Variants in DPPA2 observed in about 807,000 individuals in gnomAD.
DPPA2 encodes developmental pluripotency associated 2.
DPPA2 carries 26 observed loss-of-function variants against 36.2 expected under a neutral mutation model. That is an observed-to-expected ratio of 0.72 (90% CI 0.53 to 1.00). DPPA2 has a LOEUF of 1.00. Ranked by LOEUF, DPPA2 falls within the 50% of genes least tolerant of loss-of-function variation. DPPA2 has a pLI of 0.00. For synonymous variants in DPPA2, 113 were observed against 123.2 expected, an observed-to-expected ratio of 0.92 and a Z score of 0.55; for missense variants, 361 against 365.1, an observed-to-expected ratio of 0.99 and a Z score of 0.09.
intron 8 of DPPA2, among the ~76,000 whole-genome samples, chr3:109,296,092 A>C (rs563337734): frequency 6.6e-6 from 1 of 152,296 alleles, no homozygotes; most frequent in Admixed American, 6.5e-5. Context: ...TGAAAATACC[A>C]GAAGAGAGAA....
At chr3:109,301,306 C>T (rs1707453779) in intron 7 of DPPA2, among the ~76,000 whole-genome samples, 1 of 152,032 alleles carries the variant, frequency 6.6e-6, no homozygotes, top group African/African-American at 2.4e-5. Flanking sequence ...CTCCATTCCC[C>T]TCTCTTCATG....
Position 109,308,343 on chromosome 3 carries a change from G to A in DPPA2, c.397-50C>T, listed in dbSNP as rs746050713. The A allele has an allele frequency of 1.9e-6, 3 of 1,565,792 alleles. No homozygotes were observed. The South Asian group carries it at 3.6e-5, about 19-fold the overall frequency. On this transcript the variant is annotated intron_variant, in intron 5 of 8. Transcript: ENST00000478945. ...ATTCAGTAAACCGCTAGGGCTGTAA[G>A]GACTTTTGGGTCAATTTTATTATTC...
rs1707398287 is a variant in DPPA2 at position 109,298,618 on chromosome 3, A to G, written c.*22+1753T>C. On this transcript the variant is annotated intron_variant, in intron 8 of 8. Transcript: ENST00000478945. ...GTAATCCCAGCTACTCGGAAGGCTGAGGCAGGAGAATCGCTTGAACCTGGG... is the reference window on the plus strand; with the variant it reads ...GTAATCCCAGCTACTCGGAAGGCTGGGGCAGGAGAATCGCTTGAACCTGGG... 2.0e-5 allele frequency among the ~76,000 whole-genome samples: 3 copies of G among 151,628 alleles called. No homozygotes were observed. The South Asian group carries it at 6.3e-4, about 32-fold the overall frequency.
At chr3:109,307,989 C>T (rs1707609434) in intron 6 of DPPA2, 43 bp downstream of exon 6, 5 of 1,592,698 alleles carry the variant, frequency 3.1e-6, no homozygotes, top group East Asian at 4.5e-5. Context: ...AAAAGTTAAC[C>T]TTGTCCTCTG....
chr3:109,303,341 C>T lies in DPPA2; in HGVS notation c.854+1134G>A, dbSNP rs150576101. 1.4e-3 allele frequency among the ~76,000 whole-genome samples: 207 copies of T among 151,416 alleles called. 1 individual carries two copies. The highest frequency in any genetic ancestry group is 4.7e-3 in the African/African-American group (195 of 41,314). On this transcript the variant is annotated intron_variant, in intron 7 of 8. Transcript: ENST00000478945. ...TCCCTAAGCTATTCCAATATAGATT[C>T]TTCCCATATATTTTCATAGCTTTTC...
chr3:109,294,432 G>GT (rs1187616250), intron 8 of DPPA2, among the ~76,000 whole-genome samples: 4 of 152,194 alleles, frequency 2.6e-5, no homozygotes, highest in Admixed American at 2.6e-4. Context: ...TATTCTCCGT[G>GT]TAAGTTTGGG....
rs570777019 is a variant in DPPA2, at chr3:109,308,423, C to T, written c.397-130G>A. ...TGTTGCCCAGGCTGGAGTGCAATGG[C>T]ACGATCTCGGCTCACCGCAACCTCC... On this transcript the variant is annotated intron_variant, in intron 5 of 8. Coordinates refer to ENST00000478945, the MANE Select transcript of DPPA2 (RefSeq NM_138815.4). 3.1e-6 allele frequency: 4 copies of T among 1,271,290 alleles called. No individual in the cohort carries two copies. In the African/African-American group the frequency reaches 6.0e-5, roughly 19 times the overall value. The allele number at this position is 1,271,290 out of a possible 1,614,324, so 78.8% of individuals were successfully genotyped here.
chr3:109,305,930 T>C (rs1393902734), intron 6 of DPPA2, among the ~76,000 whole-genome samples: 1 of 152,150 alleles, frequency 6.6e-6, no homozygotes, highest in East Asian at 1.9e-4. Context: ...TACATTGTAC[T>C]GCCTCAGCTA....
chr3:109,314,476 G>C (rs1415944996), intron 2 of DPPA2, 34 bp downstream of exon 2: 1 of 1,602,520 alleles, frequency 6.2e-7, no homozygotes, highest in South Asian at 1.1e-5. Context: ...AAAAGCGACT[G>C]TGAGAAAAGT....
In DPPA2 at chr3:109,298,717, A is replaced by AAATAATAATAAT. The variant is rs56968344; in HGVS notation, c.*22+1642_*22+1653dup. On this transcript the variant is annotated intron_variant, in intron 8 of 8. Transcript: ENST00000478945. ...GGTGATAAAGTATGATTCTGTCTAA[A>AAATAATAATAAT]AATAATAATAATAATAATAATAATA... Among the ~76,000 whole-genome samples, 169 of 141,904 alleles carry AAATAATAATAAT rather than the reference A, an allele frequency of 1.2e-3. 1 individual carries two copies. Among genetic ancestry groups the AAATAATAATAAT allele is most frequent in the Middle Eastern group, 7.8e-3 (2 of 258 alleles). 93.1% of individuals were successfully genotyped at this position (141,904 alleles called of 152,430 possible).
chr3:109,315,091 A>G (rs1707767914), intron 1 of DPPA2, among the ~76,000 whole-genome samples: 1 of 152,220 alleles, frequency 6.6e-6, no homozygotes, highest in African/African-American at 2.4e-5. Flanking sequence ...AAGAAAAAAA[A>G]ATAGGTGAAA....
At chr3:109,308,430 T>A in intron 5 of DPPA2, 137 bp from the exon 6 acceptor site, 1 of 1,205,018 alleles carries the variant, frequency 8.3e-7, no homozygotes, top group Non-Finnish European at 1.1e-6. Context: ...TGGCACGATC[T>A]CGGCTCACCG....
chr3:109,298,891 A>G (rs1439907741), intron 8 of DPPA2, among the ~76,000 whole-genome samples: 1 of 151,902 alleles, frequency 6.6e-6, no homozygotes, highest in Non-Finnish European at 1.5e-5. Flanking sequence ...CAAAAATTAA[A>G]AAAAATTAGC....
At chr3:109,315,629 A>G (rs1322341516) in intron 1 of DPPA2, among the ~76,000 whole-genome samples, 1 of 152,196 alleles carries the variant, frequency 6.6e-6, no homozygotes, top group Non-Finnish European at 1.5e-5. Context: ...GTACCTTTAC[A>G]ATGGGCTTTT....
At chr3:109,294,256 C>T (rs1449507813) in intron 8 of DPPA2, among the ~76,000 whole-genome samples, 1 of 152,112 alleles carries the variant, frequency 6.6e-6, no homozygotes, top group Non-Finnish European at 1.5e-5. Flanking sequence ...GTTTTCCAAT[C>T]CTGTGTTGGT....
At chr3:109,305,119 C>G (rs1259067387) in intron 6 of DPPA2, among the ~76,000 whole-genome samples, 1 of 151,994 alleles carries the variant, frequency 6.6e-6, no homozygotes, top group Non-Finnish European at 1.5e-5. Flanking sequence ...GCACTCCAGC[C>G]TGGGTGACAA....
Position 109,309,874 on chromosome 3 carries a change from G to A in DPPA2, c.182-544C>T, listed in dbSNP as rs576667430. On this transcript the variant is annotated intron_variant, in intron 3 of 8. Coordinates refer to ENST00000478945, the MANE Select transcript of DPPA2 (RefSeq NM_138815.4). The stretch of plus-strand genomic sequence containing the variant: ...ATTCGCCCAAATTACTTGAGGTCAG[G>A]AGATCGAGACCAGCCCGGCCAACAT... Among the ~76,000 whole-genome samples the A allele has an allele frequency of 4.6e-5, 7 of 151,878 alleles. No individual in the cohort carries two copies. The South Asian group carries it at 1.5e-3, about 32-fold the overall frequency.
chr3:109,315,331 T>C (rs1019428658), intron 1 of DPPA2, among the ~76,000 whole-genome samples: 10 of 152,178 alleles, frequency 6.6e-5, no homozygotes, highest in Non-Finnish European at 1.3e-4. Context: ...GATAACATAA[T>C]CTCTCTTCGA....
chr3:109,308,807 A>T (rs74483002), intron 5 of DPPA2, among the ~76,000 whole-genome samples: 4,899 of 152,296 alleles, frequency 0.032, 98 homozygotes, highest in Middle Eastern at 0.065. Flanking sequence ...GTTGCAACTG[A>T]CATCCAGCTG....
Sources: gnomAD v4.1 joint callset for allele counts (sites outside exome capture counted in the v4.1 genomes callset) on GRCh38, gnomAD v4.1.1 for gene constraint, MANE v1.5 for transcripts, NCBI Gene and HGNC (gene_info 2026-07-23, HGNC 2026-07-21) for gene names.